The following VCP variants were observed in gnomAD, a reference collection of about 807,000 sequenced individuals.
The protein encoded by VCP is transitional endoplasmic reticulum ATPase.
In VCP, 6 loss-of-function variants were observed where a neutral mutation model predicts 85.7. That is an observed-to-expected ratio of 0.07 (90% CI 0.04 to 0.14). VCP has a LOEUF of 0.14. Among genes scored for constraint, VCP ranks in the 10% least tolerant of loss-of-function variants. The pLI, the probability that VCP is intolerant of heterozygous loss-of-function variation, is 1.00. For synonymous variants in VCP, 384 were observed against 367.1 expected (o/e 1.05, Z -0.53); for missense variants, 353 against 1,043.4 (o/e 0.34, Z 9.12).
chr9:35,056,767 A>C lies in VCP; in HGVS notation c.*350T>G, dbSNP rs774502636. 7 of 351,122 alleles carry C rather than the reference A, an allele frequency of 2.0e-5. No individual in the cohort carries two copies. The highest frequency in any genetic ancestry group is 3.9e-5 in the Admixed American group (1 of 25,596). The allele number at this position is 351,122 out of a possible 1,614,324, so 21.8% of individuals were successfully genotyped here. ...GGAGGGCTCGGGCAGCATTGAGTCA[A>C]GTGCAGATGCTTTACTGTGGCAGGT... is the stretch of plus-strand genomic sequence containing the variant. On this transcript the variant is annotated 3_prime_UTR_variant, in exon 17 of 17. Coordinates refer to ENST00000358901, the MANE Select transcript of VCP (RefSeq NM_007126.5).
Position 35,068,409 on chromosome 9 carries a change from T to G in VCP, c.18-47A>C, listed in dbSNP as rs1828875879. ...AGTAGATACTCCTGCCCCAAGCGCC[T>G]CGCCAGTCTCTAAAACTCATACTTA... On this transcript the variant is annotated intron_variant, in intron 1 of 16. Coordinates refer to ENST00000358901, the MANE Select transcript of VCP (RefSeq NM_007126.5). The G allele has an allele frequency of 2.7e-6, 4 of 1,502,466 alleles. No homozygotes were observed. In the South Asian group the frequency reaches 3.4e-5, roughly 13 times the overall value. 93.1% of individuals were successfully genotyped at this position (1,502,466 alleles called of 1,614,324 possible).
Position 35,057,640 on chromosome 9 carries a change from C to A in VCP, c.2161-110G>T, listed in dbSNP as rs547743761. ...GGTCTCCTTGCCCTTCCAATCCAAC[C>A]TGAGGTAAGATGCTAGGCCATGCTT... On this transcript the variant is annotated intron_variant, in intron 15 of 16. Coordinates refer to ENST00000358901, the MANE Select transcript of VCP (RefSeq NM_007126.5). 1.4e-5 allele frequency: 20 copies of A among 1,443,574 alleles called. No homozygotes were observed. In the East Asian group the frequency reaches 3.9e-4, roughly 28 times the overall value. The allele number at this position is 1,443,574 out of a possible 1,614,324, so 89.4% of individuals were successfully genotyped here.
At chr9:35,058,858 C>T (rs1355081930) in intron 15 of VCP, among the ~76,000 whole-genome samples, 1 of 152,232 alleles carries the variant, frequency 6.6e-6, no homozygotes, top group Non-Finnish European at 1.5e-5. Flanking sequence ...TTGGTTCAGA[C>T]TGAGAATGGA....
At chr9:35,062,479 T>G in intron 7 of VCP, 129 bp from the exon 8 acceptor site, 1 of 1,386,620 alleles carries the variant, frequency 7.2e-7, no homozygotes, top group Non-Finnish European at 9.9e-7. Context: ...TCTGCCTACT[T>G]CTCACATCCT....
In VCP at chr9:35,057,678, T is replaced by G. The variant is rs1828638041; in HGVS notation, c.2161-148A>C. 3 of 1,075,394 alleles carry G rather than the reference T, an allele frequency of 2.8e-6. No homozygotes were observed. In the South Asian group the frequency reaches 3.8e-5, roughly 14 times the overall value. 66.6% of individuals were successfully genotyped at this position (1,075,394 alleles called of 1,614,324 possible). On this transcript the variant is annotated intron_variant, in intron 15 of 16. Coordinates refer to ENST00000358901, the MANE Select transcript of VCP (RefSeq NM_007126.5). ...CTAGGCCATGCTTCCTAAAATTGAG[T>G]CACTGCTCTGCTTAAAAACTTGTCA...
Position 35,059,214 on chromosome 9 carries a change from C to A in VCP, c.2010G>T (p.Val670=), listed in dbSNP as rs1828672249. The stretch of plus-strand genomic sequence containing the variant: ...TCATTTTAGCCAGGAACTCCAAGTC[C>A]ACATCCTAAAAGCAGCAGCAGAGGT... ...NLRKSPVAKD[V]DLEFLAKMTN... Residue 670 remains valine (V), a synonymous_variant, in exon 15 of 17, where the codon GTG becomes GTT. Coordinates refer to ENST00000358901, the MANE Select transcript of VCP (RefSeq NM_007126.5). The surrounding 1 kb of genome is among the most constrained non-coding windows in gnomAD (Gnocchi z 4.9). 1 of 1,614,032 alleles carries A rather than the reference C, an allele frequency of 6.2e-7. No homozygotes were observed. The highest frequency in any genetic ancestry group is 1.1e-5 in the South Asian group (1 of 91,084).
chr9:35,061,295 A>T, intron 10 of VCP, 116 bp from the exon 11 acceptor site: 2 of 1,378,808 alleles, frequency 1.5e-6, no homozygotes, highest in Non-Finnish European at 2.0e-6. Context: ...ATTTCCTTGA[A>T]TATATACTAT....
intron 1 of VCP, chr9:35,071,875 C>G: frequency 1.0e-6 from 1 of 995,224 alleles, no homozygotes; most frequent in Non-Finnish European, 1.2e-6. Context: ...TCACATGGCG[C>G]AAAGTCCACG....
chr9:35,068,954 A>G (rs1171309999), intron 1 of VCP, among the ~76,000 whole-genome samples: 1 of 152,216 alleles, frequency 6.6e-6, no homozygotes, highest in Non-Finnish European at 1.5e-5. Flanking sequence ...TATAGAGTAA[A>G]GCATAAGCTA....
intron 9 of VCP, 32 bp from the exon 10 acceptor site, chr9:35,061,721 T>C: frequency 1.5e-6 from 1 of 686,068 alleles, no homozygotes; most frequent in Non-Finnish European, 2.5e-6. Flanking sequence ...TAAACAGGGC[T>C]CATCTCTAGT....
intron 9 of VCP, 62 bp downstream of exon 9, chr9:35,061,941 T>C: frequency 1.2e-6 from 2 of 1,613,194 alleles, no homozygotes; most frequent in Non-Finnish European, 1.7e-6. Flanking sequence ...TTAGGTGACT[T>C]AGATGAAGGA....
chr9:35,067,311 T>C (rs1242773302), intron 3 of VCP, among the ~76,000 whole-genome samples: 1 of 152,126 alleles, frequency 6.6e-6, no homozygotes, highest in African/African-American at 2.4e-5. Flanking sequence ...GATGGTTGGT[T>C]GGGTAGGAGT....
chr9:35,065,229 T>C, intron 5 of VCP, 22 bp downstream of exon 5: 2 of 1,614,042 alleles, frequency 1.2e-6, no homozygotes, highest in South Asian at 2.2e-5. Context: ...AATCGGATAC[T>C]GGAATCAGGG....
chr9:35,061,701 T>C lies in VCP; in HGVS notation c.1082-12A>G. On this transcript the variant is annotated splice_polypyrimidine_tract_variant and intron_variant, in intron 9 of 16. Transcript: ENST00000358901. Reference sequence around the variant, plus strand: ...CCTGTCAAAGCGACCTGTGGGACAGTACACAAACATAAACAGGGCTCATCT... The same window carrying C: ...CCTGTCAAAGCGACCTGTGGGACAGCACACAAACATAAACAGGGCTCATCT... 1 of 1,597,610 alleles carries C rather than the reference T, an allele frequency of 6.3e-7. No homozygotes were observed.
Position 35,057,054 on chromosome 9 carries a change from C to T in VCP, c.*63G>A, listed in dbSNP as rs969638105. The T allele has an allele frequency of 2.5e-5, 39 of 1,563,474 alleles. No individual in the cohort carries two copies. In the East Asian group the frequency reaches 3.4e-4, roughly 13 times the overall value. ...ACCCCTGGTCCCTCTCCTGGGCAAG[C>T]GCCCCCACCCCCAGGGAACAAGGTC... On this transcript the variant is annotated 3_prime_UTR_variant, in exon 17 of 17. Transcript: ENST00000358901.
chr9:35,070,093 A>G (rs1466531178), intron 1 of VCP, among the ~76,000 whole-genome samples: 2 of 152,192 alleles, frequency 1.3e-5, no homozygotes, highest in African/African-American at 4.8e-5. Context: ...CATTCATCTA[A>G]CAAAATGGTA....
Position 35,059,868 on chromosome 9 carries a change from C to G in VCP, c.1696-67G>C, listed in dbSNP as rs1828686604. 30 of 1,604,378 alleles carry G rather than the reference C, an allele frequency of 1.9e-5. No individual in the cohort carries two copies. The highest frequency in any genetic ancestry group is 7.7e-6 in the Non-Finnish European group (9 of 1,172,676). On this transcript the variant is annotated intron_variant, in intron 13 of 16. Transcript: ENST00000358901. This position sits in a 1 kb window ranked among gnomAD's most constrained non-coding sequence, Gnocchi z 4.9. ...ATGTCTCTAGGCAAACGTGGTGGCT[C>G]ACACCTGTATTCCCAGCACTTTGGG...
chr9:35,063,083 G>A lies in VCP; in HGVS notation c.709-3C>T. On this transcript the variant is annotated splice_region_variant and splice_polypyrimidine_tract_variant and intron_variant, in intron 6 of 16. Transcript: ENST00000358901. ...TAAAGCAGGATTCCTCTAGGAGGCT[G>A]TGGACCAATGCAGAGTGTGATTAGG... The A allele has an allele frequency of 2.5e-6, 4 of 1,613,986 alleles. No homozygotes were observed. Among genetic ancestry groups the A allele is most frequent in the Non-Finnish European group, 3.4e-6 (4 of 1,179,936 alleles).
At chr9:35,057,332 C>A (rs1372933503) in intron 16 of VCP, 44 bp downstream of exon 16, 1 of 1,613,496 alleles carries the variant, frequency 6.2e-7, no homozygotes, top group Non-Finnish European at 8.5e-7. Context: ...GGTGTAGGTC[C>A]CCAAAGTAAC....
Sources: allele counts gnomAD v4.1 joint callset (sites outside exome capture counted in the v4.1 genomes callset), GRCh38; gene constraint gnomAD v4.1.1; non-coding constraint Gnocchi (gnomAD v3.1); transcripts MANE v1.5; gene names NCBI Gene and HGNC (gene_info 2026-07-23, HGNC 2026-07-21).